Variants in MADD observed in about 807,000 individuals in gnomAD.
The protein encoded by MADD is MAP kinase-activating death domain protein.
Under a neutral mutation model 176.7 loss-of-function variants are expected in MADD, and 109 were observed. The observed-to-expected ratio is 0.62, with a 90% confidence interval of 0.53 to 0.72. The LOEUF is 0.72. MADD is among the 30% of genes least tolerant of loss of function. The pLI is 0.00. For synonymous variants in MADD, 771 were observed against 771.3 expected (o/e 1.00, Z 0.01); for missense variants, 1,914 against 2,045.5 (o/e 0.94, Z 1.24).
At chr11:47,294,669 C>CAAAAAAAA (rs58253961) in intron 20 of MADD, among the ~76,000 whole-genome samples, 2 of 56,022 alleles carry the variant, frequency 3.6e-5, no homozygotes, top group Non-Finnish European at 6.8e-5. Flanking sequence ...GACTCCGTCT[C>CAAAAAAAA]AAAAAAAAAA....
At chr11:47,322,953 C>G (rs1321855060) in intron 27 of MADD, among the ~76,000 whole-genome samples, 3 of 151,812 alleles carry the variant, frequency 2.0e-5, no homozygotes, top group African/African-American at 2.4e-5. Context: ...TAATAAATAA[C>G]TGGGCCGGGC....
rs774847907 is a variant in MADD at position 47,311,768 on chromosome 11, C to T, written c.4015C>T (p.Leu1339=). 97 of 1,613,882 alleles carry T rather than the reference C, an allele frequency of 6.0e-5. No homozygotes were observed. Among genetic ancestry groups the T allele is most frequent in the Non-Finnish European group, 8.0e-5 (94 of 1,179,914 alleles). The change falls in exon 26 of 33, where the codon CTA becomes TTA. Residue 1339 remains leucine (L), a synonymous_variant. Transcript: ENST00000402192. ...TGACATCCGCAAGAAGGTGAGGCGC[C>T]TAATGGGAAAGTCGCACATTGGGCT... is the stretch of plus-strand genomic sequence containing the variant.
intron 5 of MADD, among the ~76,000 whole-genome samples, chr11:47,277,240 G>A (rs747503849): frequency 2.7e-5 from 4 of 150,454 alleles, no homozygotes; most frequent in Non-Finnish European, 5.9e-5. Flanking sequence ...CGGTGATACC[G>A]TTTAATTTAT....
At chr11:47,283,110 T>C in intron 10 of MADD, 141 bp downstream of exon 10, 1 of 777,696 alleles carries the variant, frequency 1.3e-6, no homozygotes, top group East Asian at 3.6e-5. Context: ...ATTTATTTTT[T>C]TGAGACGGAG....
intron 14 of MADD, among the ~76,000 whole-genome samples, chr11:47,285,878 T>A (rs569206434): frequency 1.3e-5 from 2 of 152,264 alleles, no homozygotes; most frequent in Non-Finnish European, 2.9e-5. Flanking sequence ...CTTGTACTTA[T>A]ATTTTGTGGA....
chr11:47,274,902 G>A, exon 3 of MADD: 6 of 1,613,906 alleles, frequency 3.7e-6, no homozygotes, highest in Non-Finnish European at 5.1e-6. Context: ...GTGGCACTGA[G>A]AGCTCAGAGA....
intron 15 of MADD, 30 bp downstream of exon 16, chr11:47,289,057 C>CTTT: frequency 6.9e-7 from 1 of 1,449,590 alleles, no homozygotes; most frequent in African/African-American, 1.5e-5. Context: ...TGTGCATGAT[C>CTTT]TTTTTTTTTT....
chr11:47,319,450 G>A (rs2093955301), intron 27 of MADD, among the ~76,000 whole-genome samples: 1 of 151,832 alleles, frequency 6.6e-6, no homozygotes, highest in African/African-American at 2.4e-5. Flanking sequence ...TTTAAAAATT[G>A]TCTTTGTTGC....
Position 47,282,363 on chromosome 11 carries a change from C to G in MADD, c.1470-18C>G. ...TTACCCTATGGGTCTCAGATTATCT[C>G]ATCATCTGCTTCCCCAGGGTTGCCA... On this transcript the variant is annotated intron_variant, in intron 8 of 32. Coordinates refer to ENST00000402192, the Ensembl canonical transcript of MADD. The G allele has an allele frequency of 6.2e-7, 1 of 1,601,326 alleles. No homozygotes were observed. Among genetic ancestry groups the G allele is most frequent in the Non-Finnish European group, 8.6e-7 (1 of 1,168,390 alleles).
intron 26 of MADD, among the ~76,000 whole-genome samples, chr11:47,312,530 A>C (rs930169982): frequency 1.3e-5 from 2 of 152,172 alleles, no homozygotes; most frequent in Non-Finnish European, 2.9e-5. Flanking sequence ...GAGTTCAAGC[A>C]GTTTTCCTGC....
At chr11:47,282,884 C>T (rs373141084) in exon 10 of MADD, 144 of 1,614,132 alleles carry the variant, frequency 8.9e-5, no homozygotes, top group Middle Eastern at 1.7e-4. Context: ...TATCCACTAT[C>T]GCGTCTATGA....
intron 7 of MADD, among the ~76,000 whole-genome samples, chr11:47,280,373 C>T (rs1004085905): frequency 6.6e-6 from 1 of 152,112 alleles, no homozygotes; most frequent in Non-Finnish European, 1.5e-5. Flanking sequence ...TCATCCCTCT[C>T]ACCTCAGTTG....
chr11:47,281,454 A>G (rs2137093868), intron 7 of MADD, 121 bp from the exon 8 acceptor site: 1 of 701,752 alleles, frequency 1.4e-6, no homozygotes, highest in East Asian at 3.0e-5. Flanking sequence ...TCTTTGTTGC[A>G]GAACTTTTTG....
chr11:47,274,259 A>G (rs745750781), intron 2 of MADD, among the ~76,000 whole-genome samples: 1 of 152,184 alleles, frequency 6.6e-6, no homozygotes, highest in Non-Finnish European at 1.5e-5. Flanking sequence ...CTACTCCTCT[A>G]TGTATACTTT....
chr11:47,326,953 C>A, intron 31 of MADD, 146 bp downstream of exon 35: 2 of 1,437,926 alleles, frequency 1.4e-6, no homozygotes, highest in Non-Finnish European at 1.8e-6. Context: ...AGAAAAGGGA[C>A]CCCTGAGATG....
chr11:47,319,513 G>A (rs1176657514), intron 27 of MADD, among the ~76,000 whole-genome samples: 1 of 151,994 alleles, frequency 6.6e-6, no homozygotes, highest in Admixed American at 6.6e-5. Flanking sequence ...GTTTCAAACC[G>A]TGCCAAAGTT....
chr11:47,275,265 C>T, intron 3 of MADD, 106 bp downstream of exon 3: 1 of 928,172 alleles, frequency 1.1e-6, no homozygotes, highest in East Asian at 2.4e-5. Context: ...GTCCTTCAGA[C>T]CTATTAAGCA....
rs2095806808 is a variant in MADD at position 47,329,383 on chromosome 11, C to T, written c.*233C>T. The T allele has an allele frequency of 1.2e-5, 7 of 563,714 alleles. No individual in the cohort carries two copies. In the South Asian group the frequency reaches 1.4e-4, roughly 12 times the overall value. The allele number at this position is 563,714 out of a possible 1,614,324, so 34.9% of individuals were successfully genotyped here. ...ACCAAACTGCCTTCCCCTCAGGGCT[C>T]AAGAATGTGTACAGTCTGTGGGGCC... On this transcript the variant is annotated 3_prime_UTR_variant, in exon 33 of 33. Coordinates refer to ENST00000402192, the Ensembl canonical transcript of MADD.
intron 27 of MADD, among the ~76,000 whole-genome samples, chr11:47,321,948 GAGAAGCTC>G (rs2094536327): frequency 6.6e-6 from 1 of 152,064 alleles, no homozygotes; most frequent in African/African-American, 2.4e-5. Context: ...TCCAGACACT[GAGAAGCTC>G]AGGAGCTCAG....
Sources: allele counts gnomAD v4.1 joint callset (sites outside exome capture counted in the v4.1 genomes callset), GRCh38; gene constraint gnomAD v4.1.1; transcripts MANE v1.5; gene names NCBI Gene and HGNC (gene_info 2026-07-23, HGNC 2026-07-21).